VRK2: variants seen among roughly 807,000 people sequenced by gnomAD.
VRK2 encodes VRK serine/threonine kinase 2.
In VRK2, 60 loss-of-function variants were observed where a neutral mutation model predicts 57.6. The ratio of observed to expected loss-of-function variants is 1.04; its 90% CI spans 0.85 to 1.29. The LOEUF is 1.29. Among genes scored for constraint, VRK2 ranks in the 50% most tolerant of loss-of-function variants. The probability of loss-of-function intolerance (pLI) is 0.00; values close to 1 mark genes in which losing one functional copy is unlikely to be tolerated. For synonymous variants in VRK2, 231 were observed against 199.2 expected, an observed-to-expected ratio of 1.16 and a Z score of -1.35; for missense variants, 705 against 588.1, an observed-to-expected ratio of 1.20 and a Z score of -2.06.
At chr2:58,005,148 T>C (rs1156369597) in intron 1 of VRK2, among the ~76,000 whole-genome samples, 1 of 152,200 alleles carries the variant, frequency 6.6e-6, no homozygotes, top group Non-Finnish European at 1.5e-5. Flanking sequence ...ATGATATGAC[T>C]ATATAATTAG....
At chr2:58,149,330 AATTT>A (rs1434459391) in intron 12 of VRK2, among the ~76,000 whole-genome samples, 1 of 151,770 alleles carries the variant, frequency 6.6e-6, no homozygotes, top group Non-Finnish European at 1.5e-5. Context: ...ATAGAAATAG[AATTT>A]ATTTTCTATT....
chr2:57,928,878 G>T (rs960886150), intron 1 of VRK2, among the ~76,000 whole-genome samples: 32 of 152,272 alleles, frequency 2.1e-4, no homozygotes, highest in African/African-American at 7.2e-4. Flanking sequence ...AGAGATTTTT[G>T]TTCTCTTCCC....
At chr2:58,102,098 A>C (rs1222390165) in intron 7 of VRK2, among the ~76,000 whole-genome samples, 1 of 151,558 alleles carries the variant, frequency 6.6e-6, no homozygotes, top group Non-Finnish European at 1.5e-5. Context: ...AAAGATCTTT[A>C]CTATTTAATA....
intron 1 of VRK2, among the ~76,000 whole-genome samples, chr2:57,913,182 G>A (rs889190354): frequency 2.0e-5 from 3 of 152,152 alleles, no homozygotes; most frequent in Non-Finnish European, 4.4e-5. Context: ...AGAACACACT[G>A]GATTTAGAGC....
At chr2:58,026,546 T>C (rs1339530625) in intron 2 of VRK2, among the ~76,000 whole-genome samples, 1 of 152,180 alleles carries the variant, frequency 6.6e-6, no homozygotes. Flanking sequence ...TTGGCACGTG[T>C]AGCATTTTAA....
At chr2:58,139,855 T>C (rs368926818) in intron 11 of VRK2, 23 bp downstream of exon 11, 1 of 1,580,236 alleles carries the variant, frequency 6.3e-7, no homozygotes, top group African/African-American at 1.4e-5. Flanking sequence ...ATCCCTGCTA[T>C]CCTATGATTA....
chr2:58,042,623 TTTTC>T (rs761546743), upstream of VRK2, among the ~76,000 whole-genome samples: 11 of 152,306 alleles, frequency 7.2e-5, no homozygotes, highest in Admixed American at 5.2e-4. Context: ...ATGGTTGGGT[TTTTC>T]TTTTTCTTTT....
At chr2:58,027,536 G>T (rs1673967107) in intron 2 of VRK2, among the ~76,000 whole-genome samples, 1 of 152,118 alleles carries the variant, frequency 6.6e-6, no homozygotes, top group Non-Finnish European at 1.5e-5. Context: ...GTAATGGAGG[G>T]CAGTGGTGAA....
chr2:57,963,419 T>C (rs1026227351), intron 1 of VRK2, among the ~76,000 whole-genome samples: 1 of 152,218 alleles, frequency 6.6e-6, no homozygotes, highest in African/African-American at 2.4e-5. Flanking sequence ...ATATATTTCT[T>C]TTACCATGTT....
At chr2:58,106,517 T>C (rs1472338882) in intron 7 of VRK2, among the ~76,000 whole-genome samples, 3 of 152,038 alleles carry the variant, frequency 2.0e-5, no homozygotes, top group Non-Finnish European at 4.4e-5. Flanking sequence ...GTCTTGGTCC[T>C]AATGGGGCAG....
In VRK2 at chr2:58,084,916, T is replaced by G. The variant is rs189408545; in HGVS notation, c.222T>G (p.Leu74=). 37 of 1,591,632 alleles carry G rather than the reference T, an allele frequency of 2.3e-5. No homozygotes were observed. In the East Asian group the frequency reaches 7.3e-4, roughly 31 times the overall value. The change falls in exon 4 of 13, where the codon CTT becomes CTG. Residue 74 remains leucine (L), a synonymous_variant. Coordinates refer to ENST00000340157, the MANE Select transcript of VRK2 (RefSeq NM_006296.7). ...YQENGPLFSE[L]KFYQRVAKKD... ...AAAATGGCCCGTTATTTTCAGAACT[T>G]AAATTTTATCAGAGAGTTGCAAAAA...
intron 1 of VRK2, among the ~76,000 whole-genome samples, chr2:57,921,723 AT>A (rs949389095): frequency 3.3e-5 from 5 of 151,888 alleles, no homozygotes; most frequent in African/African-American, 1.2e-4. Context: ...ATGTGTGCAC[AT>A]TTTTTTTGTT....
chr2:57,976,117 G>C (rs1489845641), intron 1 of VRK2, among the ~76,000 whole-genome samples: 9 of 152,076 alleles, frequency 5.9e-5, no homozygotes, highest in Non-Finnish European at 1.3e-4. Context: ...TGGCTGTGTA[G>C]TATTCCATGG....
At position 58,048,987 on chromosome 2, in the gene VRK2, T is replaced by C. The variant is rs1244406585; in HGVS notation, c.136+20T>C. 1.2e-6 allele frequency: 2 copies of C among 1,606,032 alleles called. No homozygotes were observed. Among genetic ancestry groups the C allele is most frequent in the East Asian group, 2.2e-5 (1 of 44,786 alleles). On this transcript the variant is annotated intron_variant, in intron 2 of 12. Coordinates refer to ENST00000340157, the MANE Select transcript of VRK2 (RefSeq NM_006296.7). ...ATTTAGGTAAAGTAAAACCTTAAAT[T>C]AACAATTATTCTTATATCTGTGACT...
intron 1 of VRK2, among the ~76,000 whole-genome samples, chr2:57,933,097 C>A (rs1434438507): frequency 6.6e-6 from 1 of 151,824 alleles, no homozygotes; most frequent in Non-Finnish European, 1.5e-5. Flanking sequence ...TACGATATGA[C>A]CTATTCTGCA....
chr2:58,102,031 C>A (rs1186841612), intron 7 of VRK2, among the ~76,000 whole-genome samples: 2 of 151,550 alleles, frequency 1.3e-5, no homozygotes, highest in African/African-American at 2.4e-5. Context: ...GGTATAGTAA[C>A]TAAGTCATTT....
At chr2:58,138,367 G>C (rs1196182855) in intron 10 of VRK2, among the ~76,000 whole-genome samples, 3 of 152,048 alleles carry the variant, frequency 2.0e-5, no homozygotes, top group Non-Finnish European at 2.9e-5. Flanking sequence ...CCGAATGCTA[G>C]ATAACAGAAT....
At chr2:58,096,830 C>G (rs540062947) in intron 7 of VRK2, among the ~76,000 whole-genome samples, 39 of 151,512 alleles carry the variant, frequency 2.6e-4, no homozygotes, top group African/African-American at 8.9e-4. Context: ...ATGAATTTTC[C>G]TCCCTTATTG....
chr2:57,983,240 T>C (rs1317474820), intron 1 of VRK2, among the ~76,000 whole-genome samples: 1 of 152,188 alleles, frequency 6.6e-6, no homozygotes, highest in Non-Finnish European at 1.5e-5. Context: ...CTTGGCTCTC[T>C]CTTTCCATCT....
Sources: allele counts gnomAD v4.1 joint callset (sites outside exome capture counted in the v4.1 genomes callset), GRCh38; gene constraint gnomAD v4.1.1; transcripts MANE v1.5; gene names NCBI Gene and HGNC (gene_info 2026-07-23, HGNC 2026-07-21).